NSD2: variants seen among roughly 807,000 people sequenced by gnomAD.
NSD2 encodes the protein histone-lysine N-methyltransferase NSD2.
NSD2 carries 12 observed loss-of-function variants against 139.0 expected under a neutral mutation model. The observed-to-expected ratio is 0.09, with a 90% CI of 0.06 to 0.14. The LOEUF is 0.14. Ranked by LOEUF, NSD2 falls within the 10% of genes least tolerant of loss-of-function variation. NSD2 has a pLI of 1.00. For synonymous variants in NSD2, 669 were observed against 648.7 expected (o/e 1.03, Z -0.48); for missense variants, 1,155 against 1,745.0 (o/e 0.66, Z 6.02).
At position 1,958,114 on chromosome 4, in the gene NSD2, G is replaced by A. The variant is rs1308854387; in HGVS notation, c.2985+78G>A. On this transcript the variant is annotated intron_variant, in intron 16 of 21. Transcript: ENST00000508803. This position sits in a 1 kb window ranked among gnomAD's most constrained non-coding sequence, Gnocchi z 4.6. ...CGTGAGAGGTTCTTAGGCACACCCA[G>A]GCTATGGCTGGGGAGAGGACTGTCA... is the stretch of plus-strand genomic sequence containing the variant. 2.8e-6 allele frequency: 4 copies of A among 1,437,122 alleles called. No homozygotes were observed. The African/African-American group carries it at 4.2e-5, about 15-fold the overall frequency. The allele number at this position is 1,437,122 out of a possible 1,614,324, so 89.0% of individuals were successfully genotyped here.
intron 9 of NSD2, 95 bp downstream of exon 9, chr4:1,939,873 G>A (rs1431905585): frequency 1.4e-5 from 23 of 1,596,216 alleles, no homozygotes; most frequent in East Asian, 4.5e-5. Context: ...CTTCATAAGC[G>A]CAGCATTGGT....
intron 7 of NSD2, among the ~76,000 whole-genome samples, chr4:1,937,090 C>T (rs1247505282): frequency 1.3e-5 from 2 of 151,704 alleles, no homozygotes; most frequent in African/African-American, 4.9e-5. Flanking sequence ...CTCACTTCGT[C>T]ACCCAGGCTG....
rs1719887455 is a variant in NSD2, at chr4:1,919,845, A to G, written c.1410+1222A>G. ...CAGCTTCTCAGGAGGCTGAGGCAGG[A>G]AAATTGCTTGAACCAGGGAGTCGGA... On this transcript the variant is annotated intron_variant, in intron 5 of 21. Transcript: ENST00000508803. Among the ~76,000 whole-genome samples, 4 of 152,108 alleles carry G rather than the reference A, an allele frequency of 2.6e-5. No homozygotes were observed. In the South Asian group the frequency reaches 8.3e-4, roughly 32 times the overall value.
intron 1 of NSD2, among the ~76,000 whole-genome samples, 180 bp downstream of exon 1, chr4:1,871,722 A>ACCGGGAGG (rs1713779571): frequency 7.1e-6 from 1 of 140,376 alleles, no homozygotes; most frequent in African/African-American, 2.7e-5. Context: ...GGGCTGGGGG[A>ACCGGGAGG]CCGGGAGGCC....
intron 5 of NSD2, among the ~76,000 whole-genome samples, chr4:1,928,832 G>C (rs1176860974): frequency 6.6e-6 from 1 of 152,170 alleles, no homozygotes; most frequent in African/African-American, 2.4e-5. Flanking sequence ...CCGAAGCCCT[G>C]TGCAGAAACT....
intron 1 of NSD2, among the ~76,000 whole-genome samples, chr4:1,896,683 TTCCTTCCCGAACTCTTCCATTCCTC>T (rs1171283939): frequency 7.8e-5 from 11 of 140,314 alleles, no homozygotes; most frequent in Admixed American, 2.1e-4. Context: ...CCTCCCTCCC[TTCCTTCCCGAACTCTTCCATTCCTC>T]TCCTTCCTTC....
rs1723822111 is a variant in NSD2, at chr4:1,948,077, G to A, written c.1882-2995G>A. 6 of 1,058,180 alleles carry A rather than the reference G, an allele frequency of 5.7e-6. No homozygotes were observed. The highest frequency in any genetic ancestry group is 6.9e-6 in the Non-Finnish European group (6 of 874,574). The allele number at this position is 1,058,180 out of a possible 1,614,324, so 65.5% of individuals were successfully genotyped here. ...ACTGCATTCCCTGCCCTGAAGGAATGTATTTCTAAGGCAAATAGGCAACTT... is the reference window on the plus strand; with the variant it reads ...ACTGCATTCCCTGCCCTGAAGGAATATATTTCTAAGGCAAATAGGCAACTT... On this transcript the variant is annotated intron_variant, in intron 9 of 21. Coordinates refer to ENST00000508803, the MANE Select transcript of NSD2 (RefSeq NM_001042424.3). This position sits in a 1 kb window ranked among gnomAD's most constrained non-coding sequence, Gnocchi z 4.5.
chr4:1,888,667 C>A (rs1439986114), intron 1 of NSD2, among the ~76,000 whole-genome samples: 1 of 151,518 alleles, frequency 6.6e-6, no homozygotes, highest in African/African-American at 2.4e-5. Flanking sequence ...AGGGTTCAAG[C>A]GATTTTCCTG....
intron 6 of NSD2, among the ~76,000 whole-genome samples, chr4:1,934,188 C>T (rs927476103): frequency 3.3e-5 from 5 of 151,634 alleles, no homozygotes; most frequent in Non-Finnish European, 5.9e-5. Context: ...TGGGTTCAAG[C>T]GATTCTTCTG....
intron 18 of NSD2, among the ~76,000 whole-genome samples, chr4:1,970,487 A>G (rs1278198855): frequency 6.6e-6 from 1 of 152,152 alleles, no homozygotes; most frequent in Non-Finnish European, 1.5e-5. Context: ...TCCAGCAACA[A>G]GTTGGGCAGT....
chr4:1,951,443 T>TACACACACACACACAC (rs71167763), intron 10 of NSD2, among the ~76,000 whole-genome samples: 6 of 101,080 alleles, frequency 5.9e-5, no homozygotes, highest in Non-Finnish European at 8.3e-5. Flanking sequence ...CATCATGTAA[T>TACACACACACACACAC]ACACACACAC....
Position 1,917,474 on chromosome 4 carries a change from C to T in NSD2, c.927+437C>T, listed in dbSNP as rs528208523. On this transcript the variant is annotated intron_variant, in intron 4 of 21. Coordinates refer to ENST00000508803, the MANE Select transcript of NSD2 (RefSeq NM_001042424.3). ...TTTTGAGATGGAGTTTCACTCTTGT[C>T]GCCCAGGCTGGAGTGTAATGGCATG... Among the ~76,000 whole-genome samples the T allele has an allele frequency of 4.1e-4, 63 of 152,234 alleles. 1 individual carries two copies. The highest frequency in any genetic ancestry group is 2.3e-3 in the South Asian group (11 of 4,830).
intron 9 of NSD2, among the ~76,000 whole-genome samples, chr4:1,950,180 A>G (rs1044914188): frequency 1.3e-5 from 2 of 152,214 alleles, no homozygotes; most frequent in Non-Finnish European, 2.9e-5. Flanking sequence ...TCATTTAAAT[A>G]TTTGTTGATG....
In NSD2 at chr4:1,918,587, C is replaced by T; in HGVS notation, c.1374C>T (p.Ser458=). The change falls in exon 5 of 22, where the codon TCC becomes TCT. Residue 458 remains serine (S), a synonymous_variant. Coordinates refer to ENST00000508803, the MANE Select transcript of NSD2 (RefSeq NM_001042424.3). The part of the protein sequence containing the change: ...MPRSRKGDAA[S]QFLVFCQKHR... ...GAAGCAGGAAGGGAGATGCAGCATC[C>T]CAGTTTTTGGTCTTCTGTCAAAAAC... 6.2e-7 allele frequency: 1 copy of T among 1,613,930 alleles called. No individual in the cohort carries two copies. Among genetic ancestry groups the T allele is most frequent in the Non-Finnish European group, 8.5e-7 (1 of 1,180,012 alleles).
intron 1 of NSD2, among the ~76,000 whole-genome samples, chr4:1,899,857 A>C (rs1488548096): frequency 6.6e-6 from 1 of 152,198 alleles, no homozygotes; most frequent in Non-Finnish European, 1.5e-5. Context: ...TCAAGTAGTT[A>C]ATCTTCAGGT....
At position 1,958,797 on chromosome 4, in the gene NSD2, C is replaced by A. The variant is rs1725085433; in HGVS notation, c.2986-674C>A. On this transcript the variant is annotated intron_variant, in intron 16 of 21. Coordinates refer to ENST00000508803, the MANE Select transcript of NSD2 (RefSeq NM_001042424.3). The surrounding 1 kb of genome is among the most constrained non-coding windows in gnomAD (Gnocchi z 4.6). ...TCAGAGAGTATGAAATGTTTAGATT[C>A]TTGGGGAATATTCCCAGATTGTTCT... 6.6e-6 allele frequency among the ~76,000 whole-genome samples: 1 copy of A among 152,338 alleles called. No homozygotes were observed. The highest frequency in any genetic ancestry group is 2.4e-5 in the African/African-American group (1 of 41,570).
chr4:1,910,138 GT>G (rs1164935454), intron 3 of NSD2, among the ~76,000 whole-genome samples: 15 of 152,070 alleles, frequency 9.9e-5, no homozygotes, highest in Admixed American at 8.5e-4. Flanking sequence ...GTTAATGAAA[GT>G]CTTAATAGCA....
At chr4:1,975,105 G>A in intron 19 of NSD2, 101 bp downstream of exon 19, 1 of 1,566,768 alleles carries the variant, frequency 6.4e-7, no homozygotes, top group Non-Finnish European at 8.7e-7. Context: ...TCTGGGGGAG[G>A]TGGGTGCTGA....
chr4:1,873,755 C>T (rs561118821), intron 1 of NSD2, among the ~76,000 whole-genome samples: 10 of 152,104 alleles, frequency 6.6e-5, no homozygotes, highest in Admixed American at 5.9e-4. Context: ...TGGAATTAGG[C>T]TTACTAAGCT....
Sources: gnomAD v4.1 joint callset for allele counts (sites outside exome capture counted in the v4.1 genomes callset) on GRCh38, gnomAD v4.1.1 for gene constraint, Gnocchi (gnomAD v3.1) non-coding constraint, MANE v1.5 for transcripts, NCBI Gene and HGNC (gene_info 2026-07-23, HGNC 2026-07-21) for gene names.